Variants in GPHN observed in about 807,000 individuals in gnomAD.
GPHN encodes gephyrin.
A neutral mutation model predicts 95.5 loss-of-function variants in GPHN; 17 were observed. The ratio of observed to expected loss-of-function variants is 0.18; its 90% CI spans 0.12 to 0.27. The LOEUF is 0.27. GPHN is among the 10% of genes least tolerant of loss of function. GPHN has a pLI of 1.00. For missense variants in GPHN, 660 were observed against 978.1 expected (o/e 0.67, Z 4.34); for synonymous variants, 320 against 322.5 (o/e 0.99, Z 0.08).
At chr14:67,225,220 CAG>C in the GPHN span, 1 of 1,527,894 alleles carries the variant, frequency 6.5e-7, no homozygotes, top group South Asian at 1.3e-5. Context: ...AAAAGTAAAA[CAG>C]AAAAAGACAA....
At chr14:66,683,791 C>T (rs1054312812) in intron 2 of GPHN, among the ~76,000 whole-genome samples, 23 of 151,598 alleles carry the variant, frequency 1.5e-4, no homozygotes, top group African/African-American at 4.1e-4. Context: ...TCCTGGCTAA[C>T]ACGGTGAAAC....
the GPHN span, among the ~76,000 whole-genome samples, chr14:67,418,621 G>C: frequency 3.3e-5 from 5 of 152,334 alleles, no homozygotes; most frequent in East Asian, 7.7e-4. Flanking sequence ...CTTGGAGAGA[G>C]AGCTGCAGCC....
chr14:66,767,432 T>G (rs2059001682), intron 2 of GPHN, among the ~76,000 whole-genome samples: 2 of 137,874 alleles, frequency 1.5e-5, no homozygotes, highest in Admixed American at 1.5e-4. Context: ...CAGACTCGCT[T>G]TTTGAACAGA....
intron 17 of GPHN, among the ~76,000 whole-genome samples, chr14:67,132,894 A>G (rs1376702739): frequency 3.3e-5 from 5 of 151,300 alleles, no homozygotes; most frequent in Non-Finnish European, 3.0e-5. Context: ...ATTTTAATTA[A>G]TGTATTTGAA....
chr14:67,554,918 T>A, the GPHN span, among the ~76,000 whole-genome samples: 59 of 152,304 alleles, frequency 3.9e-4, no homozygotes, highest in African/African-American at 1.3e-3. Flanking sequence ...TTTACTTTTT[T>A]AAATTTTTTT....
At chr14:67,101,031 C>G (rs2077672153) in intron 13 of GPHN, 120 bp downstream of exon 13, 2 of 715,476 alleles carry the variant, frequency 2.8e-6, no homozygotes, top group Admixed American at 4.0e-5. Context: ...AGAAGATTAT[C>G]AAAGGGATGA....
chr14:66,686,362 T>G (rs1489494698), intron 2 of GPHN, among the ~76,000 whole-genome samples: 1 of 152,252 alleles, frequency 6.6e-6, no homozygotes, highest in Admixed American at 6.5e-5. Context: ...ATGATATTGA[T>G]TCTTCCTATC....
chr14:67,562,025 T>C, the GPHN span: 1 of 1,613,182 alleles, frequency 6.2e-7, no homozygotes. Context: ...CCCTTCAAGA[T>C]GCGCTAGAAG....
chr14:66,687,335 T>C lies in GPHN; in HGVS notation c.143+6150T>C, dbSNP rs563338046. The stretch of plus-strand genomic sequence containing the variant: ...AGGATTGCTTTGGCTATTCAGGGTC[T>C]TTTATGGTTTCATACCAATTTTAGG... On this transcript the variant is annotated intron_variant, in intron 2 of 22. Transcript: ENST00000478722. Among the ~76,000 whole-genome samples, 88 of 152,290 alleles carry C rather than the reference T, an allele frequency of 5.8e-4. 1 individual carries two copies. The highest frequency in any genetic ancestry group is 3.5e-3 in the Admixed American group (53 of 15,282).
the GPHN span, among the ~76,000 whole-genome samples, chr14:67,482,294 A>G: frequency 1.2e-3 from 186 of 152,352 alleles, no homozygotes; most frequent in African/African-American, 4.4e-3. Context: ...AGAGGCTGCC[A>G]TAAAAGTCTA....
chr14:66,595,369 G>A (rs1310200514), intron 1 of GPHN, among the ~76,000 whole-genome samples: 1 of 152,190 alleles, frequency 6.6e-6, no homozygotes, highest in African/African-American at 2.4e-5. Flanking sequence ...TCCTTGGAGT[G>A]TTACTTTTCT....
At chr14:67,081,408 G>A (rs973853071) in intron 11 of GPHN, among the ~76,000 whole-genome samples, 5 of 151,972 alleles carry the variant, frequency 3.3e-5, no homozygotes, top group African/African-American at 4.8e-5. Context: ...CTTCTTTTGA[G>A]AATTGTCTAT....
chr14:67,321,184 G>A, the GPHN span: 1 of 1,614,076 alleles, frequency 6.2e-7, no homozygotes, highest in Non-Finnish European at 8.5e-7. Context: ...AGAAGAATTT[G>A]TATGGAACTA....
chr14:67,592,812 G>GAGAGAC, the GPHN span: 2 of 808,576 alleles, frequency 2.5e-6, no homozygotes, highest in Non-Finnish European at 4.1e-6. Flanking sequence ...TTGAGACAGA[G>GAGAGAC]TCTCTCTCTG....
chr14:67,138,221 C>T (rs1165328949), intron 17 of GPHN, among the ~76,000 whole-genome samples: 2 of 152,158 alleles, frequency 1.3e-5, no homozygotes, highest in Non-Finnish European at 2.9e-5. Context: ...GCCTTCCTCA[C>T]AGAGTTGTGA....
At chr14:67,210,739 A>G in the GPHN span, among the ~76,000 whole-genome samples, 1 of 152,042 alleles carries the variant, frequency 6.6e-6, no homozygotes, top group Non-Finnish European at 1.5e-5. Flanking sequence ...GCCACAGGTC[A>G]TGATGGCTCA....
intron 5 of GPHN, among the ~76,000 whole-genome samples, chr14:66,885,917 C>G (rs1291659148): frequency 6.7e-6 from 1 of 148,628 alleles, no homozygotes; most frequent in African/African-American, 2.5e-5. Flanking sequence ...TTCAAATATT[C>G]AGAGTTCAAC....
At chr14:67,338,688 G>A in the GPHN span, 1 of 1,613,930 alleles carries the variant, frequency 6.2e-7, no homozygotes, top group Non-Finnish European at 8.5e-7. Context: ...CACCTCTCCA[G>A]CTGCTCTCCT....
the GPHN span, among the ~76,000 whole-genome samples, chr14:67,731,998 G>T: frequency 6.6e-6 from 1 of 151,594 alleles, no homozygotes; most frequent in Admixed American, 6.6e-5. Context: ...ATGTTGGTGG[G>T]TGCCTGTAAT....
Sources: gnomAD v4.1 joint callset for allele counts (sites outside exome capture counted in the v4.1 genomes callset) on GRCh38, gnomAD v4.1.1 for gene constraint, MANE v1.5 for transcripts, NCBI Gene and HGNC (gene_info 2026-07-23, HGNC 2026-07-21) for gene names.